XRCC5: variants seen among roughly 807,000 people sequenced by gnomAD.
The protein encoded by XRCC5 is DNA repair protein Ku80.
A neutral mutation model predicts 95.7 loss-of-function variants in XRCC5; 12 were observed. The observed-to-expected ratio is 0.13, with a 90% CI of 0.08 to 0.20. The LOEUF (loss-of-function observed/expected upper bound fraction) is 0.20, where lower values mean the gene tolerates loss of function less well. Ranked by LOEUF, XRCC5 falls within the 10% of genes least tolerant of loss-of-function variation. XRCC5 has a pLI of 1.00. For missense variants in XRCC5, 595 were observed against 873.9 expected (o/e 0.68, Z 4.02); for synonymous variants, 281 against 290.3 (o/e 0.97, Z 0.33).
chr2:216,157,815 G>C (rs1191765082), intron 14 of XRCC5, among the ~76,000 whole-genome samples: 1 of 152,150 alleles, frequency 6.6e-6, no homozygotes, highest in African/African-American at 2.4e-5. Context: ...TGCACCAACT[G>C]CTGACATTTA....
chr2:216,142,895 ACT>A (rs1194788265), intron 13 of XRCC5, among the ~76,000 whole-genome samples: 2 of 152,134 alleles, frequency 1.3e-5, no homozygotes, highest in African/African-American at 4.8e-5. Flanking sequence ...TGAAGACTTG[ACT>A]CTGAATACTC....
At chr2:216,140,829 T>C (rs1697159400) in intron 12 of XRCC5, among the ~76,000 whole-genome samples, 1 of 152,272 alleles carries the variant, frequency 6.6e-6, no homozygotes, top group African/African-American at 2.4e-5. Flanking sequence ...TTACTAGTTT[T>C]TAAAATATTA....
chr2:216,151,534 C>G (rs1574467752), intron 14 of XRCC5, among the ~76,000 whole-genome samples: 1 of 152,132 alleles, frequency 6.6e-6, no homozygotes, highest in African/African-American at 2.4e-5. Flanking sequence ...GAGTCAGACC[C>G]CTTGCTCTGC....
intron 14 of XRCC5, among the ~76,000 whole-genome samples, chr2:216,153,826 C>G (rs753307536): frequency 5.3e-5 from 8 of 152,190 alleles, no homozygotes; most frequent in Non-Finnish European, 1.0e-4. Context: ...TCAAAAACTA[C>G]TAAATACCTA....
chr2:216,173,734 C>T (rs1447068109), intron 16 of XRCC5, among the ~76,000 whole-genome samples: 2 of 152,148 alleles, frequency 1.3e-5, no homozygotes, highest in Admixed American at 1.3e-4. Context: ...AGGATTCAGG[C>T]CATTATCACT....
At chr2:216,118,574 A>G (rs1696744191) in intron 4 of XRCC5, among the ~76,000 whole-genome samples, 1 of 152,170 alleles carries the variant, frequency 6.6e-6, no homozygotes. Context: ...CTGTCAGGAA[A>G]ATCATTTGCA....
intron 16 of XRCC5, among the ~76,000 whole-genome samples, chr2:216,170,684 A>G (rs1439664174): frequency 2.0e-5 from 3 of 152,224 alleles, no homozygotes; most frequent in Non-Finnish European, 4.4e-5. Context: ...GACTTGGGCC[A>G]TCAGTGCAAC....
intron 19 of XRCC5, among the ~76,000 whole-genome samples, chr2:216,200,406 A>AT (rs997136884): frequency 2.0e-5 from 3 of 152,130 alleles, no homozygotes; most frequent in African/African-American, 7.2e-5. Flanking sequence ...TTCTGCTTTC[A>AT]TTTTCTGCCT....
In XRCC5 at chr2:216,152,496, G is replaced by A. The variant is rs151277089; in HGVS notation, c.1670+4220G>A. 4.6e-3 allele frequency among the ~76,000 whole-genome samples: 704 copies of A among 152,080 alleles called. 3 individuals are homozygous for A. Among genetic ancestry groups the A allele is most frequent in the Middle Eastern group, 0.027 (8 of 294 alleles). On this transcript the variant is annotated intron_variant, in intron 14 of 20. Transcript: ENST00000392132. Reference sequence around the variant, plus strand: ...AACACAAAGCGTAACCGTATCAGGTGAGAACTCCGCAGTTTTGTGGCCCAT... The same window carrying A: ...AACACAAAGCGTAACCGTATCAGGTAAGAACTCCGCAGTTTTGTGGCCCAT...
chr2:216,202,387 A>T (rs1009168851), intron 19 of XRCC5, among the ~76,000 whole-genome samples: 1 of 152,248 alleles, frequency 6.6e-6, no homozygotes, highest in Non-Finnish European at 1.5e-5. Context: ...AAAACCCCAA[A>T]TAAAAACCCA....
chr2:216,159,975 T>C (rs1574471620), intron 14 of XRCC5, 93 bp from the exon 15 acceptor site: 2 of 35,976 alleles, frequency 5.6e-5, no homozygotes, highest in South Asian at 1.8e-3. Context: ...TTCTTTTTTC[T>C]TTTTTTTTTT....
intron 15 of XRCC5, among the ~76,000 whole-genome samples, chr2:216,160,457 A>G (rs979087275): frequency 1.3e-5 from 2 of 152,144 alleles, no homozygotes; most frequent in Non-Finnish European, 2.9e-5. Flanking sequence ...CAGCTTTTCA[A>G]CTAGTCAAAA....
intron 16 of XRCC5, among the ~76,000 whole-genome samples, chr2:216,163,559 G>T (rs114125035): frequency 0.01 from 1,161 of 113,624 alleles, 8 homozygotes; most frequent in African/African-American, 0.03. Context: ...CAAAGTGCTG[G>T]GATTACTGTG....
At chr2:216,122,445 A>G (rs766305991) in intron 6 of XRCC5, among the ~76,000 whole-genome samples, 192 bp downstream of exon 6, 19 of 152,228 alleles carry the variant, frequency 1.2e-4, no homozygotes, top group Non-Finnish European at 1.9e-4. Context: ...TTCTTGGCAC[A>G]TGTTTCTCAT....
chr2:216,120,295 A>C (rs981953643), intron 5 of XRCC5, among the ~76,000 whole-genome samples: 1 of 152,236 alleles, frequency 6.6e-6, no homozygotes, highest in African/African-American at 2.4e-5. Flanking sequence ...TGTTAGAAGC[A>C]GACTGCATTT....
chr2:216,188,676 T>C (rs957991896), intron 16 of XRCC5, among the ~76,000 whole-genome samples: 1 of 152,220 alleles, frequency 6.6e-6, no homozygotes, highest in East Asian at 1.9e-4. Flanking sequence ...TCTGTTACTT[T>C]GCTTTTCAAG....
Position 216,162,031 on chromosome 2 carries a change from A to C in XRCC5, c.1817A>C (p.Lys606Thr), listed in dbSNP as rs781616885. The C allele has an allele frequency of 3.7e-6, 6 of 1,614,088 alleles. No homozygotes were observed. The highest frequency in any genetic ancestry group is 2.2e-5 in the East Asian group (1 of 44,892). The change falls in exon 16 of 21, where the codon AAG becomes ACG. Residue 606 changes from lysine (K) to threonine (T), a missense_variant. Around this residue, in one of 2 missense-constraint regions of XRCC5, gnomAD observed 309 missense variants for 382.9 expected, o/e 0.81. Coordinates refer to ENST00000392132, the MANE Select transcript of XRCC5 (RefSeq NM_021141.4). ...ENFRVLVKQK[K>T]ASFEEASNQL... ...TTCCGTGTTCTAGTGAAACAGAAGA[A>C]GGCCAGCTTTGAGGAAGGTGAGTGG...
At chr2:216,195,034 T>A (rs1204762276) in intron 19 of XRCC5, 48 bp downstream of exon 19, 1 of 1,572,004 alleles carries the variant, frequency 6.4e-7, no homozygotes, top group Admixed American at 1.7e-5. Context: ...TATAGTGGAC[T>A]TTATTTTCTT....
chr2:216,130,906 C>T lies in XRCC5; in HGVS notation c.969C>T (p.Phe323=), dbSNP rs769244121. ...GFRYGSDIVP[F]SKVDEEQMKY... ...GCTATGGAAGTGATATAGTTCCTTT[C>T]TCTAAAGTGGATGAGGAACAAATGA... Residue 323 remains phenylalanine, a synonymous_variant, in exon 9 of 21, where the codon TTC becomes TTT. Transcript: ENST00000392132. 2 of 1,613,228 alleles carry T rather than the reference C, an allele frequency of 1.2e-6. No homozygotes were observed. Among genetic ancestry groups the T allele is most frequent in the Non-Finnish European group, 1.7e-6 (2 of 1,179,764 alleles).
Sources: gnomAD v4.1 joint callset for allele counts (sites outside exome capture counted in the v4.1 genomes callset) on GRCh38, gnomAD v4.1.1 for gene constraint, gnomAD v4.1.1 regional missense constraint, MANE v1.5 for transcripts, NCBI Gene and HGNC (gene_info 2026-07-23, HGNC 2026-07-21) for gene names.